RBFOX1: variants seen among roughly 807,000 people sequenced by gnomAD.
RBFOX1 encodes RNA binding protein fox-1 homolog 1.
In RBFOX1, 8 loss-of-function variants were observed where a neutral mutation model predicts 57.7. The observed-to-expected ratio is 0.14, with a 90% confidence interval of 0.08 to 0.25. RBFOX1 has a LOEUF of 0.25. Ranked by LOEUF, RBFOX1 falls within the 10% of genes least tolerant of loss-of-function variation. The pLI is 1.00. For missense variants in RBFOX1, 611 were observed against 548.5 expected, an observed-to-expected ratio of 1.11 and a Z score of -1.14; for synonymous variants, 326 against 222.4, an observed-to-expected ratio of 1.47 and a Z score of -4.15.
intron 4 of RBFOX1, among the ~76,000 whole-genome samples, chr16:7,056,345 T>G (rs1424754283): frequency 1.3e-5 from 2 of 152,188 alleles, no homozygotes; most frequent in Non-Finnish European, 2.9e-5. Flanking sequence ...AGACTGAGTG[T>G]TCTTCTGAGC....
intron 1 of RBFOX1, among the ~76,000 whole-genome samples, chr16:5,413,265 C>G (rs528704767): frequency 2.0e-5 from 3 of 152,230 alleles, no homozygotes; most frequent in Admixed American, 6.5e-5. Flanking sequence ...CTAATATTAA[C>G]AAGGCATCCA....
intron 1 of RBFOX1, among the ~76,000 whole-genome samples, chr16:6,237,597 T>C (rs866464124): frequency 2.6e-5 from 4 of 151,676 alleles, no homozygotes; most frequent in South Asian, 4.2e-4. Context: ...CAAAAATTAG[T>C]GGGGCGTGGT....
intron 3 of RBFOX1, chr16:6,775,954 T>G (rs1288229105): frequency 1.3e-5 from 2 of 152,224 alleles, no homozygotes; most frequent in African/African-American, 4.8e-5. Flanking sequence ...TAACCAGGGA[T>G]TGTGTTCACA....
At chr16:6,683,573 A>G (rs2058989176) in intron 3 of RBFOX1, among the ~76,000 whole-genome samples, 1 of 152,204 alleles carries the variant, frequency 6.6e-6, no homozygotes, top group Admixed American at 6.5e-5. Flanking sequence ...ACGTTTGCAT[A>G]CACGTGTATA....
At chr16:6,329,156 A>T (rs1158013042) in intron 2 of RBFOX1, among the ~76,000 whole-genome samples, 2 of 152,146 alleles carry the variant, frequency 1.3e-5, no homozygotes, top group East Asian at 3.9e-4. Flanking sequence ...CAAGTGCTGA[A>T]TTCCTACCTG....
chr16:5,930,834 A>G (rs1478108190), intron 4 of RBFOX1, among the ~76,000 whole-genome samples: 3 of 138,112 alleles, frequency 2.2e-5, no homozygotes, highest in Non-Finnish European at 4.6e-5. Context: ...GCATGGATGG[A>G]TGGATGGATT....
At chr16:6,675,719 C>T (rs1168593128) in intron 3 of RBFOX1, among the ~76,000 whole-genome samples, 1 of 152,174 alleles carries the variant, frequency 6.6e-6, no homozygotes, top group East Asian at 1.9e-4. Context: ...AGAAAACAAG[C>T]GAAAGGGCTT....
chr16:7,401,542 T>A (rs959323611), intron 4 of RBFOX1, among the ~76,000 whole-genome samples: 5 of 152,142 alleles, frequency 3.3e-5, no homozygotes, highest in Non-Finnish European at 7.4e-5. Flanking sequence ...GAAAAATAGT[T>A]AACAATGCAA....
chr16:7,612,104 G>T (rs969142127), intron 10 of RBFOX1, among the ~76,000 whole-genome samples: 1 of 151,870 alleles, frequency 6.6e-6, no homozygotes, highest in African/African-American at 2.4e-5. Context: ...GGTGGATCAC[G>T]AGGTCAGGGG....
chr16:7,118,727 T>C (rs578026685), intron 4 of RBFOX1, among the ~76,000 whole-genome samples: 2 of 152,284 alleles, frequency 1.3e-5, no homozygotes, highest in South Asian at 2.1e-4. Context: ...GTGGGGATCA[T>C]GGTGAGAAGA....
At chr16:6,947,879 C>G (rs868016573) in intron 3 of RBFOX1, among the ~76,000 whole-genome samples, 4 of 152,124 alleles carry the variant, frequency 2.6e-5, no homozygotes, top group Non-Finnish European at 5.9e-5. Flanking sequence ...TGGGTTCAAG[C>G]GTTTCTCCTG....
chr16:7,225,059 T>C (rs556555657), intron 4 of RBFOX1, among the ~76,000 whole-genome samples: 1 of 152,194 alleles, frequency 6.6e-6, no homozygotes, highest in Non-Finnish European at 1.5e-5. Flanking sequence ...AATAAAGTGA[T>C]ATGTTTAAAA....
chr16:7,275,016 T>A (rs1171276497), intron 4 of RBFOX1, among the ~76,000 whole-genome samples: 1 of 152,098 alleles, frequency 6.6e-6, no homozygotes, highest in East Asian at 1.9e-4. Flanking sequence ...CCTCATGATG[T>A]TCAAGAATCT....
chr16:5,866,130 G>C (rs1387291408), intron 3 of RBFOX1, among the ~76,000 whole-genome samples: 1 of 152,140 alleles, frequency 6.6e-6, no homozygotes, highest in African/African-American at 2.4e-5. Context: ...ACCATGCCCA[G>C]CTAATTTTTT....
chr16:5,754,342 C>T (rs114665970), intron 3 of RBFOX1, among the ~76,000 whole-genome samples: 1 of 152,026 alleles, frequency 6.6e-6, no homozygotes, highest in African/African-American at 2.4e-5. Flanking sequence ...TGTTCATGTT[C>T]GCTCCTATTG....
Position 7,696,508 on chromosome 16 carries a change from G to A in RBFOX1, c.996-12548G>A, listed in dbSNP as rs552460100. Among the ~76,000 whole-genome samples the A allele has an allele frequency of 3.4e-5, 5 of 145,744 alleles. No homozygotes were observed. In the South Asian group the frequency reaches 8.3e-4, roughly 24 times the overall value. ...AGAAGGGTCTGGTATGAGAATGGAG[G>A]TTGAAAAGCAAGTTACTTAATCAGT... On this transcript the variant is annotated intron_variant, in intron 14 of 15. Transcript: ENST00000550418.
chr16:7,158,709 T>C (rs977114043), intron 4 of RBFOX1, among the ~76,000 whole-genome samples: 2 of 144,834 alleles, frequency 1.4e-5, no homozygotes, highest in Admixed American at 1.5e-4. Flanking sequence ...GTGTGGTGCA[T>C]ATGTGTGCAT....
chr16:6,794,515 C>G (rs1006671265), intron 3 of RBFOX1, among the ~76,000 whole-genome samples: 1 of 151,976 alleles, frequency 6.6e-6, no homozygotes, highest in African/African-American at 2.4e-5. Flanking sequence ...TACATATGGT[C>G]ATTTTATAAG....
intron 2 of RBFOX1, chr16:6,576,855 G>T (rs189869014): frequency 6.6e-6 from 1 of 152,288 alleles, no homozygotes; most frequent in East Asian, 1.9e-4. Context: ...AAATACTAAA[G>T]GATACAGTGC....
Sources: allele counts gnomAD v4.1 joint callset (sites outside exome capture counted in the v4.1 genomes callset), GRCh38; gene constraint gnomAD v4.1.1; transcripts MANE v1.5; gene names NCBI Gene and HGNC (gene_info 2026-07-23, HGNC 2026-07-21).